Variants in ELF1 observed in about 807,000 individuals in gnomAD.
The protein encoded by ELF1 is E74 like ETS transcription factor 1.
In ELF1, 24 loss-of-function variants were observed where a neutral mutation model predicts 59.9. The ratio of observed to expected loss-of-function variants is 0.40; its 90% CI spans 0.29 to 0.56. The LOEUF is 0.56. Ranked by LOEUF, ELF1 falls within the 20% of genes least tolerant of loss-of-function variation. The probability of loss-of-function intolerance (pLI) is 0.44; values close to 1 mark genes in which losing one functional copy is unlikely to be tolerated. For missense variants in ELF1, 627 were observed against 742.2 expected (o/e 0.84, Z 1.80); for synonymous variants, 248 against 266.2 (o/e 0.93, Z 0.67).
chr13:40,995,692 C>T (rs1177962124), intron 1 of ELF1, among the ~76,000 whole-genome samples: 1 of 150,308 alleles, frequency 6.7e-6, no homozygotes, highest in Non-Finnish European at 1.5e-5. Context: ...TAGACACAGA[C>T]CTTATACCCT....
intron 8 of ELF1, among the ~76,000 whole-genome samples, chr13:40,939,440 T>TA (rs970050374): frequency 6.6e-6 from 1 of 152,086 alleles, no homozygotes; most frequent in Non-Finnish European, 1.5e-5. Flanking sequence ...ATACAGATGC[T>TA]AAAAAAATTC....
intron 3 of ELF1, 197 bp from the exon 4 acceptor site, chr13:40,951,633 A>G (rs9532681): frequency 0.59 from 210,001 of 356,892 alleles, 68,215 homozygotes; most frequent in Non-Finnish European, 0.69. Flanking sequence ...CACTTTGGGA[A>G]GCCGAGGCAA....
At chr13:40,985,851 C>T (rs1873522491) in intron 1 of ELF1, among the ~76,000 whole-genome samples, 1 of 152,176 alleles carries the variant, frequency 6.6e-6, no homozygotes, top group Non-Finnish European at 1.5e-5. Context: ...AGTCAGGAAG[C>T]ACTCTGCTGT....
chr13:40,957,885 T>C (rs1871554252), intron 3 of ELF1, among the ~76,000 whole-genome samples: 1 of 152,178 alleles, frequency 6.6e-6, no homozygotes, highest in Admixed American at 6.5e-5. Flanking sequence ...TATGTTAACT[T>C]CCTAAATAGA....
chr13:41,040,204 A>C (rs968771162), intron 1 of ELF1, among the ~76,000 whole-genome samples: 1 of 152,234 alleles, frequency 6.6e-6, no homozygotes, highest in Non-Finnish European at 1.5e-5. Context: ...ATATATATTC[A>C]GCACGATATT....
chr13:41,026,678 C>A (rs183767399), intron 1 of ELF1, among the ~76,000 whole-genome samples: 1 of 152,182 alleles, frequency 6.6e-6, no homozygotes, highest in Non-Finnish European at 1.5e-5. Context: ...ACATTCACCA[C>A]GGGCCACCAA....
At chr13:41,040,548 G>A (rs1876563820) in intron 1 of ELF1, among the ~76,000 whole-genome samples, 1 of 152,118 alleles carries the variant, frequency 6.6e-6, no homozygotes, top group Non-Finnish European at 1.5e-5. Flanking sequence ...ATGGTTTTGG[G>A]ATGAAACTGT....
chr13:41,057,186 G>T (rs1877318206), intron 1 of ELF1, among the ~76,000 whole-genome samples: 1 of 150,104 alleles, frequency 6.7e-6, no homozygotes. Flanking sequence ...TAAGGTCTTA[G>T]GGTCTTGCTC....
chr13:40,933,274 C>A lies in ELF1; in HGVS notation c.*151G>T. 2.1e-6 allele frequency: 2 copies of A among 968,978 alleles called. No individual in the cohort carries two copies. The highest frequency in any genetic ancestry group is 2.9e-6 in the Non-Finnish European group (2 of 683,288). The allele number at this position is 968,978 out of a possible 1,614,324, so 60.0% of individuals were successfully genotyped here. A position where few individuals can be genotyped will look rare whatever the true frequency, so the allele number is the denominator to read the frequency against. On this transcript the variant is annotated 3_prime_UTR_variant, in exon 9 of 9. Transcript: ENST00000239882. ...TAACAAAGAGAAACAGTTGAGTTTT[C>A]CTCCCTCATCTAACAAAGTCAAAAT...
chr13:40,973,702 C>T (rs1248827091), intron 2 of ELF1, among the ~76,000 whole-genome samples: 3 of 151,526 alleles, frequency 2.0e-5, no homozygotes, highest in Non-Finnish European at 4.4e-5. Context: ...TGGGAGAAGA[C>T]GTTGCCAACT....
chr13:41,002,198 G>T (rs1264230454), intron 1 of ELF1, among the ~76,000 whole-genome samples: 2 of 152,144 alleles, frequency 1.3e-5, no homozygotes, highest in Non-Finnish European at 2.9e-5. Flanking sequence ...CCTTCATTTT[G>T]ATTTAATTTT....
chr13:40,964,692 G>A (rs907549647), intron 2 of ELF1, among the ~76,000 whole-genome samples: 1 of 151,998 alleles, frequency 6.6e-6, no homozygotes, highest in African/African-American at 2.4e-5. Flanking sequence ...GCACCATTAC[G>A]CCTGGCTAAT....
chr13:40,954,570 GC>G (rs1286273809), intron 3 of ELF1, among the ~76,000 whole-genome samples: 2 of 151,920 alleles, frequency 1.3e-5, no homozygotes, highest in African/African-American at 4.8e-5. Context: ...GCCTCAGCCT[GC>G]CGAGTGCCTG....
rs58595924 is a variant in ELF1 at position 40,932,177 on chromosome 13, TC to T, written c.*1247del. ...AGACCTCTAAACATAATGATTTTTT[TC>T]ATCTACAAAAATTTCTGTTATACTA... On this transcript the variant is annotated 3_prime_UTR_variant, in exon 9 of 9. Transcript: ENST00000239882. The T allele has an allele frequency of 7.9e-5, 12 of 152,230 alleles. No individual in the cohort carries two copies. The highest frequency in any genetic ancestry group is 7.7e-4 in the East Asian group (4 of 5,190). The allele number at this position is 152,230 out of a possible 1,614,324, so 9.4% of individuals were successfully genotyped here. A position where few individuals can be genotyped will look rare whatever the true frequency, so the allele number is the denominator to read the frequency against.
intron 1 of ELF1, among the ~76,000 whole-genome samples, chr13:41,051,399 G>A (rs958977548): frequency 1.3e-5 from 2 of 151,932 alleles, no homozygotes; most frequent in African/African-American, 4.8e-5. Context: ...GCCTGTGGCT[G>A]TACCCTTCCT....
chr13:40,984,640 C>A (rs1282993996), intron 1 of ELF1, among the ~76,000 whole-genome samples: 1 of 152,084 alleles, frequency 6.6e-6, no homozygotes, highest in Non-Finnish European at 1.5e-5. Flanking sequence ...AACTGATATA[C>A]TTCTGATAAA....
intron 1 of ELF1, among the ~76,000 whole-genome samples, chr13:41,003,760 T>C (rs1874593298): frequency 6.6e-6 from 1 of 152,206 alleles, no homozygotes; most frequent in Admixed American, 6.5e-5. Flanking sequence ...AGATTTTTGA[T>C]GCTTAGCGAG....
intron 2 of ELF1, among the ~76,000 whole-genome samples, chr13:40,962,803 C>T (rs771706902): frequency 6.6e-6 from 1 of 152,116 alleles, no homozygotes; most frequent in Non-Finnish European, 1.5e-5. Flanking sequence ...TTCTCCAACC[C>T]TGATTTCATG....
chr13:40,996,670 G>A (rs1874142550), intron 1 of ELF1, among the ~76,000 whole-genome samples: 1 of 152,222 alleles, frequency 6.6e-6, no homozygotes, highest in Admixed American at 6.5e-5. Context: ...TGATTAGCGA[G>A]AGGCTGATAA....
Sources: allele counts gnomAD v4.1 joint callset (sites outside exome capture counted in the v4.1 genomes callset), GRCh38; gene constraint gnomAD v4.1.1; transcripts MANE v1.5; gene names NCBI Gene and HGNC (gene_info 2026-07-23, HGNC 2026-07-21).